DLG2: variants seen among roughly 807,000 people sequenced by gnomAD.
The protein encoded by DLG2 is discs large MAGUK scaffold protein 2.
In DLG2, 45 loss-of-function variants were observed where a neutral mutation model predicts 132.5. The ratio of observed to expected loss-of-function variants is 0.34; its 90% CI spans 0.27 to 0.44. The LOEUF is 0.44. Among genes scored for constraint, DLG2 ranks in the 20% least tolerant of loss-of-function variants. DLG2 has a pLI of 1.00. For synonymous variants in DLG2, 424 were observed against 419.6 expected (o/e 1.01, Z -0.13); for missense variants, 1,045 against 1,196.9 (o/e 0.87, Z 1.87).
At chr11:84,823,699 T>C (rs769951673) in intron 6 of DLG2, among the ~76,000 whole-genome samples, 15 of 150,864 alleles carry the variant, frequency 9.9e-5, no homozygotes, top group Non-Finnish European at 2.2e-4. Flanking sequence ...TAAAAAAAAG[T>C]TCCATATTTC....
At chr11:84,258,738 G>C (rs1332740769) in intron 7 of DLG2, among the ~76,000 whole-genome samples, 2 of 152,052 alleles carry the variant, frequency 1.3e-5, no homozygotes, top group Non-Finnish European at 2.9e-5. Flanking sequence ...TCCAACATTT[G>C]ATTTTTTTTG....
At chr11:84,841,380 G>A (rs999285500) in intron 6 of DLG2, among the ~76,000 whole-genome samples, 5 of 151,824 alleles carry the variant, frequency 3.3e-5, no homozygotes, top group Admixed American at 3.3e-4. Context: ...TGAGAATTTT[G>A]TTGTTTTCCA....
intron 6 of DLG2, among the ~76,000 whole-genome samples, chr11:84,799,409 G>C (rs551520340): frequency 4.6e-5 from 7 of 152,106 alleles, no homozygotes; most frequent in Middle Eastern, 6.3e-3. Flanking sequence ...GTTGGAAGAG[G>C]GGTGGAAGAG....
At chr11:84,090,587 TATGCCAAAATTACATATGTGAAACCAC>T (rs1210772294) in intron 10 of DLG2, among the ~76,000 whole-genome samples, 1 of 152,162 alleles carries the variant, frequency 6.6e-6, no homozygotes, top group Non-Finnish European at 1.5e-5. Context: ...GACATACGTG[TATGCCAAAATTACATATGTGAAACCAC>T]ATGCAACACT....
chr11:84,267,845 G>T (rs1311367146), intron 7 of DLG2, among the ~76,000 whole-genome samples: 2 of 152,162 alleles, frequency 1.3e-5, no homozygotes, highest in African/African-American at 4.8e-5. Context: ...CAACCTGTAG[G>T]TCAGGCCACA....
At chr11:83,825,080 T>TAC (rs1377615125) in intron 17 of DLG2, among the ~76,000 whole-genome samples, 1 of 147,720 alleles carries the variant, frequency 6.8e-6, no homozygotes, top group East Asian at 2.0e-4. Context: ...CACATATATA[T>TAC]ACACACATAT....
chr11:84,691,666 TC>T (rs2058060538), intron 6 of DLG2, among the ~76,000 whole-genome samples: 1 of 151,654 alleles, frequency 6.6e-6, no homozygotes, highest in African/African-American at 2.4e-5. Flanking sequence ...CTTTTTTTTT[TC>T]TGGCTCAACT....
At chr11:85,466,547 C>T (rs1257796622) in intron 3 of DLG2, among the ~76,000 whole-genome samples, 2 of 152,112 alleles carry the variant, frequency 1.3e-5, no homozygotes, top group East Asian at 3.8e-4. Context: ...GTTTTCCCAG[C>T]ACCATTTATT....
intron 17 of DLG2, among the ~76,000 whole-genome samples, chr11:83,827,988 C>A (rs192528859): frequency 2.2e-3 from 342 of 152,080 alleles, no homozygotes; most frequent in African/African-American, 7.9e-3. Context: ...GGATGTAGCC[C>A]AAGGTGACAA....
At chr11:84,863,330 T>A (rs1026047759) in intron 6 of DLG2, among the ~76,000 whole-genome samples, 2 of 152,098 alleles carry the variant, frequency 1.3e-5, no homozygotes, top group African/African-American at 4.8e-5. Flanking sequence ...TTTGAGGAAG[T>A]TTGACAATTT....
intron 7 of DLG2, among the ~76,000 whole-genome samples, chr11:84,494,824 C>T (rs1193262978): frequency 1.3e-5 from 2 of 152,170 alleles, no homozygotes; most frequent in South Asian, 2.1e-4. Context: ...AGTTGACTTG[C>T]TGCAACATCT....
chr11:83,793,547 A>AT (rs1273312145), intron 17 of DLG2, among the ~76,000 whole-genome samples: 1 of 151,990 alleles, frequency 6.6e-6, no homozygotes, highest in Non-Finnish European at 1.5e-5. Context: ...CATCCTCTGA[A>AT]TTTTTTTTCA....
Position 84,806,813 on chromosome 11 carries a change from T to C in DLG2, c.358-272082A>G, listed in dbSNP as rs560299136. ...TAGATTTTCCTTCTTCTCTTGGATT[T>C]CCTACATTATATTTGATGGTAGAAA... On this transcript the variant is annotated intron_variant, in intron 6 of 27. Coordinates refer to ENST00000376104, the MANE Select transcript of DLG2 (RefSeq NM_001142699.3). 3.3e-5 allele frequency among the ~76,000 whole-genome samples: 5 copies of C among 152,304 alleles called. No individual in the cohort carries two copies. In the South Asian group the frequency reaches 6.2e-4, roughly 19 times the overall value.
intron 6 of DLG2, among the ~76,000 whole-genome samples, chr11:84,801,865 G>C (rs2075418769): frequency 6.6e-6 from 1 of 152,108 alleles, no homozygotes; most frequent in Non-Finnish European, 1.5e-5. Context: ...TCTAATTGGG[G>C]ACAAATTTGG....
chr11:84,617,395 T>C (rs1023472317), intron 6 of DLG2, among the ~76,000 whole-genome samples: 4 of 152,126 alleles, frequency 2.6e-5, no homozygotes, highest in African/African-American at 9.7e-5. Context: ...TGATGGGCAT[T>C]TGGGTTGGTT....
intron 3 of DLG2, among the ~76,000 whole-genome samples, chr11:85,397,193 A>G (rs1212524943): frequency 2.0e-5 from 3 of 152,198 alleles, no homozygotes; most frequent in Non-Finnish European, 4.4e-5. Context: ...TCTTAAGAGA[A>G]TGAGAAATAA....
At chr11:85,176,151 A>C (rs189680901) in intron 4 of DLG2, among the ~76,000 whole-genome samples, 75 of 152,200 alleles carry the variant, frequency 4.9e-4, no homozygotes, top group Admixed American at 8.5e-4. Context: ...AGCCTGGATA[A>C]CCAACACAAT....
intron 4 of DLG2, among the ~76,000 whole-genome samples, chr11:85,254,169 T>C (rs538882857): frequency 1.5e-4 from 23 of 152,292 alleles, no homozygotes; most frequent in Non-Finnish European, 2.8e-4. Context: ...CTGCCTCCTG[T>C]CCCTATCAAT....
chr11:85,193,297 T>C (rs1046381950), intron 4 of DLG2, among the ~76,000 whole-genome samples: 2 of 152,212 alleles, frequency 1.3e-5, no homozygotes, highest in Non-Finnish European at 2.9e-5. Flanking sequence ...ATTCTATATA[T>C]TGTTTATCCA....
Sources: allele counts gnomAD v4.1 joint callset (sites outside exome capture counted in the v4.1 genomes callset), GRCh38; gene constraint gnomAD v4.1.1; transcripts MANE v1.5; gene names NCBI Gene and HGNC (gene_info 2026-07-23, HGNC 2026-07-21).